KCNIP4: variants seen among roughly 807,000 people sequenced by gnomAD.
KCNIP4 encodes potassium voltage-gated channel interacting protein 4, also known as Kv channel-interacting protein 4.
In KCNIP4, 12 loss-of-function variants were observed where a neutral mutation model predicts 34.0. That is an observed-to-expected ratio of 0.35 (90% CI 0.23 to 0.57). The LOEUF (loss-of-function observed/expected upper bound fraction) is 0.57. KCNIP4 is among the 20% of genes least tolerant of loss of function. The pLI is 0.83. For missense variants in KCNIP4, 238 were observed against 311.7 expected, an observed-to-expected ratio of 0.76 and a Z score of 1.78; for synonymous variants, 124 against 102.2, an observed-to-expected ratio of 1.21 and a Z score of -1.29.
At chr4:21,444,875 C>T (rs1198141572) in intron 1 of KCNIP4, among the ~76,000 whole-genome samples, 4 of 152,146 alleles carry the variant, frequency 2.6e-5, no homozygotes, top group Admixed American at 6.5e-5. Flanking sequence ...ACCTAGAAAA[C>T]CCCATCATCT....
chr4:21,249,730 G>A (rs1760549008), intron 1 of KCNIP4, among the ~76,000 whole-genome samples: 2 of 152,052 alleles, frequency 1.3e-5, no homozygotes, highest in African/African-American at 2.4e-5. Flanking sequence ...ATATGCACCA[G>A]TATTTTCATT....
At chr4:21,489,684 T>A (rs1418037153) in intron 1 of KCNIP4, among the ~76,000 whole-genome samples, 4 of 152,050 alleles carry the variant, frequency 2.6e-5, no homozygotes, top group Non-Finnish European at 5.9e-5. Context: ...AGTTCCATCT[T>A]TGGAAATTGC....
intron 1 of KCNIP4, among the ~76,000 whole-genome samples, chr4:21,619,355 G>A (rs1458049115): frequency 5.9e-5 from 9 of 152,200 alleles, no homozygotes; most frequent in Non-Finnish European, 1.2e-4. Context: ...ATTAGTGCTT[G>A]ATTAAGCAAA....
rs543543831 is a variant in KCNIP4 at position 21,912,377 on chromosome 4, C to T, written c.61+36194G>A. Reference sequence around the variant, plus strand: ...TTGAGCACCTCATATGCATTAGTCTCCATATTAAGTGTCAGGTATACAATG... The same window carrying T: ...TTGAGCACCTCATATGCATTAGTCTTCATATTAAGTGTCAGGTATACAATG... On this transcript the variant is annotated intron_variant, in intron 1 of 8. Coordinates refer to ENST00000382152, the MANE Select transcript of KCNIP4 (RefSeq NM_025221.6). 2.0e-5 allele frequency among the ~76,000 whole-genome samples: 3 copies of T among 152,220 alleles called. No homozygotes were observed. In the South Asian group the frequency reaches 6.2e-4, roughly 32 times the overall value.
chr4:21,191,357 C>T (rs1348698336), intron 1 of KCNIP4, among the ~76,000 whole-genome samples: 2 of 152,182 alleles, frequency 1.3e-5, no homozygotes, highest in Non-Finnish European at 2.9e-5. Context: ...CTGCCACATA[C>T]GAAGGCTGGA....
At chr4:21,727,579 AGCACTGTGGGAG>A (rs1367797047) in intron 1 of KCNIP4, among the ~76,000 whole-genome samples, 1 of 152,166 alleles carries the variant, frequency 6.6e-6, no homozygotes, top group Non-Finnish European at 1.5e-5. Flanking sequence ...CTGTAATCCT[AGCACTGTGGGAG>A]GCCGAGGTGG....
intron 3 of KCNIP4, among the ~76,000 whole-genome samples, chr4:20,759,441 A>G (rs960128958): frequency 2.0e-5 from 3 of 152,164 alleles, no homozygotes; most frequent in African/African-American, 7.2e-5. Context: ...ATAGAACCCC[A>G]TATTTTTGAA....
chr4:21,581,748 C>T (rs1741214704), intron 1 of KCNIP4, among the ~76,000 whole-genome samples: 1 of 151,922 alleles, frequency 6.6e-6, no homozygotes, highest in South Asian at 2.1e-4. Flanking sequence ...TCACTTCTCA[C>T]TTGAAGAACT....
At chr4:21,900,144 A>G (rs1727626298) in intron 1 of KCNIP4, among the ~76,000 whole-genome samples, 1 of 152,230 alleles carries the variant, frequency 6.6e-6, no homozygotes, top group South Asian at 2.1e-4. Context: ...AAAAATCTCA[A>G]CATATATTTC....
chr4:20,802,100 CAT>C (rs1437579656), intron 3 of KCNIP4, among the ~76,000 whole-genome samples: 4 of 118,382 alleles, frequency 3.4e-5, no homozygotes, highest in East Asian at 2.1e-4. Flanking sequence ...ATACATATTG[CAT>C]ATATATATGC....
At chr4:21,473,430 A>G (rs1455083092) in intron 1 of KCNIP4, among the ~76,000 whole-genome samples, 1 of 152,116 alleles carries the variant, frequency 6.6e-6, no homozygotes, top group Non-Finnish European at 1.5e-5. Context: ...CTTCCTGGAG[A>G]GGCTGTAAAA....
intron 1 of KCNIP4, among the ~76,000 whole-genome samples, chr4:21,890,968 T>C (rs1380784918): frequency 6.6e-6 from 1 of 152,094 alleles, no homozygotes; most frequent in Admixed American, 6.6e-5. Flanking sequence ...ATGCAGTTTA[T>C]ATAGCATTTT....
chr4:21,282,147 T>C (rs973114408), intron 1 of KCNIP4, among the ~76,000 whole-genome samples: 1 of 152,230 alleles, frequency 6.6e-6, no homozygotes, highest in African/African-American at 2.4e-5. Context: ...TAGAATTGTG[T>C]TTCCCAAATT....
intron 1 of KCNIP4, among the ~76,000 whole-genome samples, chr4:21,379,393 A>C (rs1269335965): frequency 6.6e-6 from 1 of 152,146 alleles, no homozygotes; most frequent in East Asian, 1.9e-4. Flanking sequence ...TATTCTCAAA[A>C]CAGTCAGAGT....
chr4:20,768,532 A>G (rs1212695152), intron 3 of KCNIP4, among the ~76,000 whole-genome samples: 1 of 152,222 alleles, frequency 6.6e-6, no homozygotes, highest in Admixed American at 6.5e-5. Flanking sequence ...TAAGAACTAG[A>G]GCTGGCTATA....
At chr4:20,928,690 G>C (rs1730139494) in intron 1 of KCNIP4, among the ~76,000 whole-genome samples, 1 of 151,570 alleles carries the variant, frequency 6.6e-6, no homozygotes, top group South Asian at 2.1e-4. Flanking sequence ...TGTATGGATA[G>C]GTAAACAAAA....
At chr4:21,757,293 A>G (rs1402062903) in intron 1 of KCNIP4, among the ~76,000 whole-genome samples, 4 of 150,884 alleles carry the variant, frequency 2.7e-5, no homozygotes, top group African/African-American at 9.7e-5. Context: ...AAAAGAGAAA[A>G]GAAAAGAAAA....
At chr4:21,715,896 C>G (rs1714337621) in intron 1 of KCNIP4, among the ~76,000 whole-genome samples, 1 of 152,118 alleles carries the variant, frequency 6.6e-6, no homozygotes, top group Admixed American at 6.5e-5. Flanking sequence ...TCACTTGACT[C>G]TGCATTATTT....
intron 1 of KCNIP4, among the ~76,000 whole-genome samples, chr4:21,798,562 A>AAGAAAGAAAGAAAGAAAGAAAG (rs369690030): frequency 8.6e-6 from 1 of 116,896 alleles, no homozygotes; most frequent in South Asian, 2.6e-4. Flanking sequence ...GAGAGAAAGA[A>AAGAAAGAAAGAAAGAAAGAAAG]AAAGAAAGAA....
Sources: gnomAD v4.1 joint callset for allele counts (sites outside exome capture counted in the v4.1 genomes callset) on GRCh38, gnomAD v4.1.1 for gene constraint, MANE v1.5 for transcripts, NCBI Gene and HGNC (gene_info 2026-07-23, HGNC 2026-07-21) for gene names.